The following NUP107 variants were observed in gnomAD, a reference collection of about 807,000 sequenced individuals.
The protein encoded by NUP107 is nucleoporin 107, also known as nuclear pore complex protein Nup107.
A neutral mutation model predicts 141.0 loss-of-function variants in NUP107; 101 were observed. The ratio of observed to expected loss-of-function variants is 0.72; its 90% CI spans 0.61 to 0.84. The LOEUF (loss-of-function observed/expected upper bound fraction) is 0.84. Among genes scored for constraint, NUP107 ranks in the 40% least tolerant of loss-of-function variants. The pLI, the probability that NUP107 is intolerant of heterozygous loss-of-function variation, is 0.00. For missense variants in NUP107, 941 were observed against 1,102.7 expected, an observed-to-expected ratio of 0.85 and a Z score of 2.08; for synonymous variants, 319 against 363.9, an observed-to-expected ratio of 0.88 and a Z score of 1.41.
intron 6 of NUP107, among the ~76,000 whole-genome samples, chr12:68,697,714 T>A (rs962188381): frequency 3.9e-5 from 6 of 151,954 alleles, no homozygotes; most frequent in African/African-American, 1.2e-4. Context: ...AAAGAAGATA[T>A]ACAGATGGCA....
intron 24 of NUP107, 120 bp downstream of exon 24, chr12:68,733,732 T>C (rs1877947793): frequency 6.6e-6 from 6 of 902,434 alleles, no homozygotes; most frequent in Non-Finnish European, 1.0e-5. Context: ...CTTGTGACTA[T>C]AGTGCTGACT....
intron 17 of NUP107, among the ~76,000 whole-genome samples, chr12:68,725,454 A>G (rs887684775): frequency 2.0e-5 from 3 of 152,206 alleles, no homozygotes; most frequent in East Asian, 3.8e-4. Flanking sequence ...TATAAGAATA[A>G]AAGTTTAATA....
intron 8 of NUP107, among the ~76,000 whole-genome samples, chr12:68,708,860 C>T (rs1446598322): frequency 6.6e-6 from 1 of 152,170 alleles, no homozygotes; most frequent in East Asian, 1.9e-4. Flanking sequence ...CTCAAGTGAT[C>T]TGCCTGCCTC....
intron 8 of NUP107, 90 bp downstream of exon 8, chr12:68,702,874 G>A (rs998693394): frequency 1.8e-5 from 12 of 655,372 alleles, no homozygotes; most frequent in Admixed American, 3.6e-5. Flanking sequence ...TTGGAGTTTC[G>A]CTCTTGTTGC....
chr12:68,691,747 T>A (rs1350944329), intron 4 of NUP107, among the ~76,000 whole-genome samples: 1 of 150,506 alleles, frequency 6.6e-6, no homozygotes, highest in Non-Finnish European at 1.5e-5. Context: ...AGTGGGAAGA[T>A]GGCTTGAGCC....
chr12:68,708,795 T>G (rs911896535), intron 8 of NUP107, among the ~76,000 whole-genome samples: 3 of 152,112 alleles, frequency 2.0e-5, no homozygotes, highest in Non-Finnish European at 4.4e-5. Flanking sequence ...ATTTTTGTAT[T>G]TTTAGTAGAG....
At chr12:68,716,830 A>G (rs930571379) in intron 12 of NUP107, among the ~76,000 whole-genome samples, 4 of 152,036 alleles carry the variant, frequency 2.6e-5, no homozygotes, top group Non-Finnish European at 5.9e-5. Flanking sequence ...GACAGATTCT[A>G]TGTCAGTTCA....
intron 1 of NUP107, chr12:68,687,314 G>T: frequency 1.5e-6 from 1 of 682,940 alleles, no homozygotes; most frequent in Non-Finnish European, 2.2e-6. Flanking sequence ...CGATCTATTC[G>T]GCGCTTTGGG....
Position 68,735,256 on chromosome 12 carries a change from A to G in NUP107, c.2414A>G (p.His805Arg), listed in dbSNP as rs1878018940. The G allele has an allele frequency of 1.2e-6, 2 of 1,613,936 alleles. No individual in the cohort carries two copies. Among genetic ancestry groups the G allele is most frequent in the South Asian group, 1.1e-5 (1 of 91,078 alleles). ...YEMDFGIWKG[H>R]LDALTADVKE... The stretch of plus-strand genomic sequence containing the variant: ...ATGGATTTTGGTATTTGGAAAGGGC[A>G]TTTGGATGCCCTAACTGCTGATGTG... Residue 805 changes from histidine to arginine, a missense_variant, in exon 26 of 28, where the codon CAT becomes CGT. By Grantham distance (29) the His-to-Arg change is conservative. Transcript: ENST00000229179.
At chr12:68,738,039 G>A (rs1343199516) in intron 26 of NUP107, among the ~76,000 whole-genome samples, 1 of 152,112 alleles carries the variant, frequency 6.6e-6, no homozygotes, top group Non-Finnish European at 1.5e-5. Context: ...CACTTTGGGA[G>A]GCCAAGGCTG....
chr12:68,745,760 G>A lies in NUP107; in HGVS notation c.*3298G>A, dbSNP rs550920263. ...GTTATACCCGATGATGCTGTCTGTT[G>A]GAAAGTAAATTTTGAATGTCTTTTT... On this transcript the variant is annotated 3_prime_UTR_variant, in exon 28 of 28. Coordinates refer to ENST00000229179, the MANE Select transcript of NUP107 (RefSeq NM_020401.4). 3 of 152,070 alleles carry A rather than the reference G, an allele frequency of 2.0e-5. No individual in the cohort carries two copies. Among genetic ancestry groups the A allele is most frequent in the African/African-American group, 2.4e-5 (1 of 41,390 alleles). The allele number at this position is 152,070 out of a possible 1,614,324, so 9.4% of individuals were successfully genotyped here. A position where few individuals can be genotyped will look rare whatever the true frequency, so the allele number is the denominator to read the frequency against.
intron 3 of NUP107, among the ~76,000 whole-genome samples, chr12:68,690,216 C>T (rs916813242): frequency 6.7e-6 from 1 of 150,260 alleles, no homozygotes; most frequent in African/African-American, 2.4e-5. Flanking sequence ...TTTTTTTGTT[C>T]TGAGACAGAA....
intron 26 of NUP107, among the ~76,000 whole-genome samples, chr12:68,738,977 T>TA (rs909972542): frequency 2.0e-5 from 3 of 152,004 alleles, no homozygotes; most frequent in African/African-American, 7.2e-5. Flanking sequence ...CTTTTTTTTT[T>TA]AAACTAACCC....
At chr12:68,705,930 C>A (rs2136013610) in intron 8 of NUP107, 1 of 916,430 alleles carries the variant, frequency 1.1e-6, no homozygotes, top group East Asian at 2.4e-5. Context: ...AGACCCTCAA[C>A]AACAAGTTTG....
chr12:68,696,673 A>G lies in NUP107; in HGVS notation c.449-146A>G. On this transcript the variant is annotated intron_variant, in intron 5 of 27. Coordinates refer to ENST00000229179, the MANE Select transcript of NUP107 (RefSeq NM_020401.4). ...GGTTGCAGTGAGCTGAGACCGTGCC[A>G]TTGCACTCCACCCTGGACAACAAGA... The G allele has an allele frequency of 7.7e-6, 4 of 518,598 alleles. No homozygotes were observed. In the South Asian group the frequency reaches 1.1e-4, roughly 14 times the overall value. 32.1% of individuals were successfully genotyped at this position (518,598 alleles called of 1,614,324 possible). A position where few individuals can be genotyped will look rare whatever the true frequency, so the allele number is the denominator to read the frequency against.
intron 8 of NUP107, chr12:68,707,110 G>A (rs1360757724): frequency 3.6e-6 from 2 of 562,324 alleles, no homozygotes; most frequent in East Asian, 3.0e-5. Flanking sequence ...CCCTTCTGCG[G>A]CTGCCCCAGA....
At chr12:68,693,692 C>T (rs1413342007) in intron 5 of NUP107, among the ~76,000 whole-genome samples, 2 of 152,170 alleles carry the variant, frequency 1.3e-5, no homozygotes, top group Non-Finnish European at 2.9e-5. Flanking sequence ...GTATTTGATA[C>T]AGTATCACTA....
chr12:68,721,718 A>G, intron 15 of NUP107, 123 bp from the exon 16 acceptor site: 1 of 969,294 alleles, frequency 1.0e-6, no homozygotes. Context: ...AATTTTTTTA[A>G]AATCTGCCGT....
intron 8 of NUP107, among the ~76,000 whole-genome samples, chr12:68,708,461 A>ATT (rs1876697464): frequency 6.6e-6 from 1 of 152,148 alleles, no homozygotes; most frequent in South Asian, 2.1e-4. Flanking sequence ...ACTTGCTAAT[A>ATT]TTTGTATTAA....
Sources: gnomAD v4.1 joint callset for allele counts (sites outside exome capture counted in the v4.1 genomes callset) on GRCh38, gnomAD v4.1.1 for gene constraint, MANE v1.5 for transcripts, NCBI Gene and HGNC (gene_info 2026-07-23, HGNC 2026-07-21) for gene names.